Variants in SDK1 observed in about 807,000 individuals in gnomAD.
SDK1 encodes protein sidekick-1.
Under a neutral mutation model 245.5 loss-of-function variants are expected in SDK1, and 157 were observed. The observed-to-expected ratio is 0.64, with a 90% CI of 0.56 to 0.73. The LOEUF is 0.73. Among genes scored for constraint, SDK1 ranks in the 30% least tolerant of loss-of-function variants. SDK1 has a pLI of 0.00. For synonymous variants in SDK1, 1,647 were observed against 1,278.5 expected, an observed-to-expected ratio of 1.29 and a Z score of -6.15; for missense variants, 3,583 against 3,002.3, an observed-to-expected ratio of 1.19 and a Z score of -4.52.
chr7:3,906,819 G>A (rs1180709503), intron 5 of SDK1, among the ~76,000 whole-genome samples: 2 of 151,662 alleles, frequency 1.3e-5, no homozygotes, highest in South Asian at 2.1e-4. Context: ...TAGTAGAGAC[G>A]GGGTTTCACC....
chr7:3,810,734 A>C (rs755971180), intron 4 of SDK1, among the ~76,000 whole-genome samples: 3 of 152,218 alleles, frequency 2.0e-5, no homozygotes, highest in Non-Finnish European at 4.4e-5. Flanking sequence ...AAAAGAATCA[A>C]TTCTATTTAT....
At chr7:3,500,557 C>T (rs1292553080) in intron 1 of SDK1, among the ~76,000 whole-genome samples, 1 of 152,026 alleles carries the variant, frequency 6.6e-6, no homozygotes, top group Non-Finnish European at 1.5e-5. Context: ...TGCTGTTTTT[C>T]TCTGATTATT....
intron 4 of SDK1, chr7:3,643,312 C>G (rs1782711872): frequency 6.7e-6 from 1 of 149,172 alleles, no homozygotes; most frequent in Non-Finnish European, 1.5e-5. Context: ...TTCTCATCTC[C>G]CACCCCTACC....
At position 4,119,023 on chromosome 7, in the gene SDK1, C is replaced by T. The variant is rs1436649659; in HGVS notation, c.3823+4749C>T. 1.3e-5 allele frequency among the ~76,000 whole-genome samples: 2 copies of T among 148,396 alleles called. 1 individual carries two copies. Among genetic ancestry groups the T allele is most frequent in the African/African-American group, 4.9e-5 (2 of 40,578 alleles). ...GTTCATCATGATGATGGTTACACAACTCTGAATTCACTAAAAAATGTTGAA... is the reference window on the plus strand; with the variant it reads ...GTTCATCATGATGATGGTTACACAATTCTGAATTCACTAAAAAATGTTGAA... On this transcript the variant is annotated intron_variant, in intron 25 of 44. Coordinates refer to ENST00000404826, the MANE Select transcript of SDK1 (RefSeq NM_152744.4).
At chr7:4,158,611 T>A in intron 31 of SDK1, 60 bp downstream of exon 31, 1 of 1,253,130 alleles carries the variant, frequency 8.0e-7, no homozygotes, top group Non-Finnish European at 1.2e-6. Flanking sequence ...CCGAGATACT[T>A]AGGCCACACT....
chr7:3,997,624 G>C (rs976967458), intron 14 of SDK1, among the ~76,000 whole-genome samples: 1 of 152,196 alleles, frequency 6.6e-6, no homozygotes, highest in Non-Finnish European at 1.5e-5. Context: ...CCTGTCATCT[G>C]CTCAGCTCTG....
At chr7:3,624,476 G>A (rs1188638510) in intron 2 of SDK1, among the ~76,000 whole-genome samples, 2 of 152,040 alleles carry the variant, frequency 1.3e-5, no homozygotes, top group African/African-American at 4.8e-5. Flanking sequence ...TGGGATTACA[G>A]GTGTAAGCCA....
At chr7:3,361,793 CTCAA>C (rs1179635483) in intron 1 of SDK1, among the ~76,000 whole-genome samples, 1 of 152,118 alleles carries the variant, frequency 6.6e-6, no homozygotes, top group Non-Finnish European at 1.5e-5. Context: ...CGTTTCTATT[CTCAA>C]TCAATCAAGA....
Position 3,962,783 on chromosome 7 carries a change from G to C in SDK1, c.1361G>C (p.Gly454Ala). Residue 454 changes from glycine to alanine, a missense_variant, in exon 9 of 45, where the codon GGA becomes GCA. By Grantham distance (60) the Gly-to-Ala change is moderately conservative (BLOSUM62 0). Coordinates refer to ENST00000404826, the MANE Select transcript of SDK1 (RefSeq NM_152744.4). ...RIQKLRPEDS[G>A]IFQCFASNEG... ...CAGAAGCTGCGTCCAGAGGACTCCG[G>C]AATCTTCCAGTGCTTCGCCAGCAAT... 1 of 1,613,640 alleles carries C rather than the reference G, an allele frequency of 6.2e-7. No homozygotes were observed. The highest frequency in any genetic ancestry group is 1.7e-5 in the Admixed American group (1 of 59,984).
intron 20 of SDK1, among the ~76,000 whole-genome samples, chr7:4,073,490 CG>C (rs1328605875): frequency 6.6e-6 from 1 of 152,186 alleles, no homozygotes; most frequent in Non-Finnish European, 1.5e-5. Flanking sequence ...CTGGAATTGC[CG>C]TGTTTCAGCT....
At chr7:3,756,041 CAT>C (rs1207196243) in intron 4 of SDK1, among the ~76,000 whole-genome samples, 1 of 150,366 alleles carries the variant, frequency 6.7e-6, no homozygotes, top group African/African-American at 2.5e-5. Flanking sequence ...GCACATGTGA[CAT>C]ATGTATATCG....
chr7:4,141,857 A>G (rs1270476821), intron 28 of SDK1, among the ~76,000 whole-genome samples: 3 of 152,086 alleles, frequency 2.0e-5, no homozygotes, highest in Non-Finnish European at 2.9e-5. Flanking sequence ...CCCGGGTTCA[A>G]GTGATTCTCC....
chr7:3,934,961 C>G (rs1415989712), intron 5 of SDK1, among the ~76,000 whole-genome samples: 5 of 152,200 alleles, frequency 3.3e-5, no homozygotes, highest in Non-Finnish European at 5.9e-5. Context: ...TTCGGTGTTG[C>G]TTACCCAAGG....
rs112557547 is a variant in SDK1 at position 3,793,454 on chromosome 7, A to G, written c.714-27996A>G. ...CAAACGCTGAATATTTCAGTGCACA[A>G]TGACGGTGGCTTTCAGCTCATGAAA... is the stretch of plus-strand genomic sequence containing the variant. On this transcript the variant is annotated intron_variant, in intron 4 of 44. Transcript: ENST00000404826. Among the ~76,000 whole-genome samples, 1,065 of 152,230 alleles carry G rather than the reference A, an allele frequency of 7.0e-3. 19 individuals carry two copies. The highest frequency in any genetic ancestry group is 0.024 in the African/African-American group (989 of 41,552).
At chr7:4,163,321 C>G (rs1044230948) in intron 32 of SDK1, among the ~76,000 whole-genome samples, 1 of 152,096 alleles carries the variant, frequency 6.6e-6, no homozygotes, top group African/African-American at 2.4e-5. Flanking sequence ...GCAGGGTGCC[C>G]GATGCAGCAG....
At chr7:3,503,734 A>G (rs1782294523) in intron 1 of SDK1, among the ~76,000 whole-genome samples, 1 of 152,208 alleles carries the variant, frequency 6.6e-6, no homozygotes, top group Admixed American at 6.5e-5. Context: ...GATATACTTA[A>G]GAGTAAACTT....
At chr7:3,809,279 A>G (rs1399035986) in intron 4 of SDK1, among the ~76,000 whole-genome samples, 1 of 152,174 alleles carries the variant, frequency 6.6e-6, no homozygotes, top group African/African-American at 2.4e-5. Context: ...TGAGGACAGC[A>G]CCAAGAGGAT....
chr7:3,419,733 A>T (rs1779485837), intron 1 of SDK1, among the ~76,000 whole-genome samples: 1 of 152,200 alleles, frequency 6.6e-6, no homozygotes, highest in African/African-American at 2.4e-5. Context: ...GTTGAGAACT[A>T]CCTGTGTATT....
intron 32 of SDK1, among the ~76,000 whole-genome samples, chr7:4,170,306 G>A (rs574774657): frequency 6.6e-6 from 1 of 152,258 alleles, no homozygotes; most frequent in African/African-American, 2.4e-5. Flanking sequence ...AATTAGCCTG[G>A]TGTGGTGGTG....
Sources: gnomAD v4.1 joint callset for allele counts (sites outside exome capture counted in the v4.1 genomes callset) on GRCh38, gnomAD v4.1.1 for gene constraint, MANE v1.5 for transcripts, NCBI Gene and HGNC (gene_info 2026-07-23, HGNC 2026-07-21) for gene names.